REEP1: variants seen among roughly 807,000 people sequenced by gnomAD.
The protein encoded by REEP1 is receptor expression-enhancing protein 1.
A neutral mutation model predicts 40.3 loss-of-function variants in REEP1; 22 were observed. The observed-to-expected ratio is 0.55, with a 90% confidence interval of 0.39 to 0.78. The LOEUF is 0.78. Among genes scored for constraint, REEP1 ranks in the 30% least tolerant of loss-of-function variants. The pLI, the probability that REEP1 is intolerant of heterozygous loss-of-function variation, is 0.00. For missense variants in REEP1, 280 were observed against 361.1 expected, an observed-to-expected ratio of 0.78 and a Z score of 1.82; for synonymous variants, 116 against 139.2, an observed-to-expected ratio of 0.83 and a Z score of 1.17.
At chr2:86,265,467 GC>G in intron 2 of REEP1, among the ~76,000 whole-genome samples, 1 of 152,126 alleles carries the variant, frequency 6.6e-6, no homozygotes. Context: ...GAATTTAACT[GC>G]CTGCTAGAAC....
chr2:86,291,073 A>T (rs1286790259), intron 1 of REEP1, among the ~76,000 whole-genome samples: 1 of 152,226 alleles, frequency 6.6e-6, no homozygotes, highest in Admixed American at 6.5e-5. Flanking sequence ...AAACAGGTTT[A>T]GTGAAAATAA....
chr2:86,293,098 A>ATTTG (rs1678811215), intron 1 of REEP1, among the ~76,000 whole-genome samples: 1 of 133,736 alleles, frequency 7.5e-6, no homozygotes, highest in Non-Finnish European at 1.6e-5. Flanking sequence ...TCATTCATTC[A>ATTTG]TTTGTTTGTT....
At chr2:86,244,827 A>T (rs764876965) in intron 5 of REEP1, among the ~76,000 whole-genome samples, 11 of 152,238 alleles carry the variant, frequency 7.2e-5, no homozygotes, top group Non-Finnish European at 1.3e-4. Flanking sequence ...GCTATCAGCC[A>T]TACTGGCAAA....
chr2:86,229,712 C>T (rs1295707049), intron 6 of REEP1, among the ~76,000 whole-genome samples: 2 of 149,860 alleles, frequency 1.3e-5, no homozygotes, highest in African/African-American at 2.5e-5. Flanking sequence ...CCGATTCAAG[C>T]GATTCTCCTG....
intron 2 of REEP1, among the ~76,000 whole-genome samples, chr2:86,265,940 AC>A (rs1243965152): frequency 6.6e-6 from 1 of 152,218 alleles, no homozygotes; most frequent in African/African-American, 2.4e-5. Flanking sequence ...AGCTATAAAC[AC>A]AAAAAAATAA....
Position 86,293,410 on chromosome 2 carries a change from C to T in REEP1, c.33-11168G>A, listed in dbSNP as rs112017360. On this transcript the variant is annotated intron_variant, in intron 1 of 8. Transcript: ENST00000538924. ...ACTACGGAGATAGAAAACAGATGAG[C>T]TGCCAGAGGCTGGCAGTGGGGTAGA... is the stretch of plus-strand genomic sequence containing the variant. 2.8e-3 allele frequency among the ~76,000 whole-genome samples: 424 copies of T among 152,264 alleles called. 3 individuals carry two copies. Among genetic ancestry groups the T allele is most frequent in the African/African-American group, 9.3e-3 (388 of 41,560 alleles).
intron 1 of REEP1, among the ~76,000 whole-genome samples, chr2:86,333,509 T>C (rs992266236): frequency 1.3e-5 from 2 of 152,248 alleles, no homozygotes; most frequent in African/African-American, 4.8e-5. Context: ...CTTAGAACTC[T>C]CTTTCCCCCA....
chr2:86,242,153 G>C (rs990367826), intron 5 of REEP1, among the ~76,000 whole-genome samples: 8 of 152,102 alleles, frequency 5.3e-5, no homozygotes, highest in African/African-American at 1.9e-4. Context: ...TGCATTCTGT[G>C]AAGTCTTTAC....
chr2:86,270,345 C>T (rs951287442), intron 2 of REEP1, among the ~76,000 whole-genome samples: 10 of 152,082 alleles, frequency 6.6e-5, no homozygotes, highest in Non-Finnish European at 1.2e-4. Context: ...TACAGGCATG[C>T]GCCACCACGC....
chr2:86,258,513 A>G (rs767507188), intron 3 of REEP1, among the ~76,000 whole-genome samples: 13 of 152,160 alleles, frequency 8.5e-5, no homozygotes, highest in Non-Finnish European at 8.8e-5. Context: ...AATCTCTGTC[A>G]CTGAAGTGTA....
intron 6 of REEP1, among the ~76,000 whole-genome samples, chr2:86,232,068 G>T (rs748017798): frequency 2.0e-5 from 3 of 152,226 alleles, no homozygotes; most frequent in African/African-American, 4.8e-5. Context: ...ACAGGAACAA[G>T]AACTCAGAGC....
At chr2:86,329,908 G>C (rs1190891950) in intron 1 of REEP1, among the ~76,000 whole-genome samples, 2 of 152,312 alleles carry the variant, frequency 1.3e-5, no homozygotes, top group East Asian at 3.9e-4. Flanking sequence ...AAGTGACAAT[G>C]CCACTCTGGA....
At chr2:86,317,951 T>G (rs1255884680) in intron 1 of REEP1, among the ~76,000 whole-genome samples, 2 of 152,198 alleles carry the variant, frequency 1.3e-5, no homozygotes, top group East Asian at 3.8e-4. Context: ...AATCCTTTTC[T>G]AGAAAAATGA....
At chr2:86,279,524 A>G (rs564083696) in intron 2 of REEP1, among the ~76,000 whole-genome samples, 1 of 152,320 alleles carries the variant, frequency 6.6e-6, no homozygotes, top group East Asian at 1.9e-4. Flanking sequence ...CCTAATCCCC[A>G]TATGGCAAAT....
intron 3 of REEP1, among the ~76,000 whole-genome samples, chr2:86,257,215 G>A (rs931365866): frequency 6.6e-6 from 1 of 152,132 alleles, no homozygotes; most frequent in Non-Finnish European, 1.5e-5. Flanking sequence ...CAAGGGGAAA[G>A]GAAATGAATC....
In REEP1 at chr2:86,214,813, ATGAG is replaced by A. The variant is rs1243647136; in HGVS notation, c.*2222_*2225del. 2.0e-5 allele frequency: 3 copies of A among 152,640 alleles called. No homozygotes were observed. The highest frequency in any genetic ancestry group is 2.0e-4 in the Admixed American group (3 of 15,276). The allele number at this position is 152,640 out of a possible 1,614,324, so 9.5% of individuals were successfully genotyped here. A position where few individuals can be genotyped will look rare whatever the true frequency, so the allele number is the denominator to read the frequency against. On this transcript the variant is annotated 3_prime_UTR_variant, in exon 9 of 9. Transcript: ENST00000538924. ...ATACCTTTATATTTTTCAATCTTGAATGAGAAGTAATAATACAGCATGTCTGAGA... is the reference window on the plus strand; with the variant it reads ...ATACCTTTATATTTTTCAATCTTGAAAAGTAATAATACAGCATGTCTGAGA...
At position 86,215,184 on chromosome 2, in the gene REEP1, G is replaced by A. The variant is rs1674040518; in HGVS notation, c.*1855C>T. 1 of 152,064 alleles carries A rather than the reference G, an allele frequency of 6.6e-6. No individual in the cohort carries two copies. The highest frequency in any genetic ancestry group is 1.5e-5 in the Non-Finnish European group (1 of 68,018). The allele number at this position is 152,064 out of a possible 1,614,324, so 9.4% of individuals were successfully genotyped here. On this transcript the variant is annotated 3_prime_UTR_variant, in exon 9 of 9. Transcript: ENST00000538924. ...GTCTTCCTTAACAGATTTAGGTATT[G>A]GTGGGTGTGGGGCACAGAACATGAG...
chr2:86,274,999 A>G (rs1371565320), intron 2 of REEP1, among the ~76,000 whole-genome samples: 1 of 152,164 alleles, frequency 6.6e-6, no homozygotes, highest in Non-Finnish European at 1.5e-5. Context: ...GCTGCAGAGG[A>G]GCAGGCTTAG....
chr2:86,258,121 G>C (rs1301982708), intron 3 of REEP1, among the ~76,000 whole-genome samples: 2 of 152,192 alleles, frequency 1.3e-5, no homozygotes, highest in Non-Finnish European at 2.9e-5. Context: ...TCCCTTTCCA[G>C]AGTCTTAGTG....
Sources: gnomAD v4.1 joint callset for allele counts (sites outside exome capture counted in the v4.1 genomes callset) on GRCh38, gnomAD v4.1.1 for gene constraint, MANE v1.5 for transcripts, NCBI Gene and HGNC (gene_info 2026-07-23, HGNC 2026-07-21) for gene names.